The following ERC2 variants were observed in gnomAD, a reference collection of about 807,000 sequenced individuals.
The protein encoded by ERC2 is ERC protein 2.
Under a neutral mutation model 114.8 loss-of-function variants are expected in ERC2, and 42 were observed. The ratio of observed to expected loss-of-function variants is 0.37; its 90% CI spans 0.29 to 0.47. The LOEUF (loss-of-function observed/expected upper bound fraction) is 0.47, where lower values mean the gene tolerates loss of function less well. ERC2 is among the 20% of genes least tolerant of loss of function. The pLI, the probability that ERC2 is intolerant of heterozygous loss-of-function variation, is 0.99. For synonymous variants in ERC2, 454 were observed against 425.5 expected, an observed-to-expected ratio of 1.07 and a Z score of -0.82; for missense variants, 939 against 1,150.7, an observed-to-expected ratio of 0.82 and a Z score of 2.66.
chr3:56,201,310 C>T (rs541767979), intron 3 of ERC2, among the ~76,000 whole-genome samples: 73 of 152,246 alleles, frequency 4.8e-4, no homozygotes, highest in African/African-American at 1.6e-3. Flanking sequence ...GTCTCATGGA[C>T]GTTAATTACT....
intron 7 of ERC2, among the ~76,000 whole-genome samples, chr3:56,044,251 G>A (rs1371169461): frequency 7.2e-5 from 11 of 152,082 alleles, no homozygotes; most frequent in Non-Finnish European, 1.6e-4. Flanking sequence ...TTTTTTCAAG[G>A]TCATTCTAAG....
chr3:55,803,161 C>A (rs1017444488), intron 14 of ERC2, among the ~76,000 whole-genome samples: 2 of 152,180 alleles, frequency 1.3e-5, no homozygotes, highest in South Asian at 2.1e-4. Context: ...CCAGTATATT[C>A]TTCTCTCTAA....
chr3:56,130,185 C>T (rs1448621371), intron 6 of ERC2, among the ~76,000 whole-genome samples: 6 of 152,170 alleles, frequency 3.9e-5, no homozygotes, highest in Non-Finnish European at 7.3e-5. Flanking sequence ...GTGTTGTCTG[C>T]TCATATGTAT....
At chr3:56,131,003 G>C (rs1166451694) in intron 6 of ERC2, among the ~76,000 whole-genome samples, 1 of 152,086 alleles carries the variant, frequency 6.6e-6, no homozygotes, top group African/African-American at 2.4e-5. Flanking sequence ...ATTAGGGGAG[G>C]GGAAAGTGTG....
chr3:56,053,879 C>T (rs1247540780), intron 7 of ERC2, among the ~76,000 whole-genome samples: 1 of 152,068 alleles, frequency 6.6e-6, no homozygotes, highest in Non-Finnish European at 1.5e-5. Flanking sequence ...CATTTCTCCC[C>T]TCTTAATTCC....
intron 6 of ERC2, among the ~76,000 whole-genome samples, chr3:56,093,715 GA>G (rs1404816738): frequency 6.6e-6 from 1 of 151,938 alleles, no homozygotes; most frequent in African/African-American, 2.4e-5. Context: ...AGTTCTATAA[GA>G]GCTATAAACA....
intron 14 of ERC2, among the ~76,000 whole-genome samples, chr3:55,874,533 C>T (rs576259860): frequency 3.4e-4 from 51 of 152,104 alleles, no homozygotes; most frequent in African/African-American, 1.2e-3. Context: ...GAAATGTAAA[C>T]ATTTTCTAGC....
chr3:56,044,311 A>G (rs958786085), intron 7 of ERC2, among the ~76,000 whole-genome samples: 1 of 152,124 alleles, frequency 6.6e-6, no homozygotes, highest in Non-Finnish European at 1.5e-5. Flanking sequence ...ATGCCTTTTC[A>G]CAATTTTGAC....
chr3:55,963,664 A>G (rs1206000514), intron 12 of ERC2, among the ~76,000 whole-genome samples: 1 of 152,236 alleles, frequency 6.6e-6, no homozygotes, highest in Non-Finnish European at 1.5e-5. Context: ...CCACAATTCC[A>G]TGGAGTACTG....
At chr3:56,340,535 A>AATGT (rs1199330021) in intron 2 of ERC2, among the ~76,000 whole-genome samples, 22 of 106,840 alleles carry the variant, frequency 2.1e-4, no homozygotes, top group African/African-American at 7.6e-4. Context: ...AGAGAGAGAG[A>AATGT]GAGTGAATGT....
chr3:56,311,728 AAC>A (rs935801239), intron 2 of ERC2, among the ~76,000 whole-genome samples: 1 of 152,094 alleles, frequency 6.6e-6, no homozygotes, highest in African/African-American at 2.4e-5. Flanking sequence ...TCTTCTATCA[AAC>A]CATGTATTTT....
intron 12 of ERC2, among the ~76,000 whole-genome samples, chr3:55,955,769 T>C (rs2067910695): frequency 6.6e-6 from 1 of 152,248 alleles, no homozygotes; most frequent in African/African-American, 2.4e-5. Context: ...GATGCATGTT[T>C]AACTGCAAGT....
chr3:55,528,843 T>A lies in ERC2; in HGVS notation c.*40-17567A>T, dbSNP rs374926793. 2.7e-4 allele frequency among the ~76,000 whole-genome samples: 41 copies of A among 152,226 alleles called. No homozygotes were observed. In the Middle Eastern group the frequency reaches 0.01, roughly 38 times the overall value. On this transcript the variant is annotated intron_variant, in intron 17 of 17. Coordinates refer to ENST00000288221, the MANE Select transcript of ERC2 (RefSeq NM_015576.3). ...AGATGCCAGTAGTACCCTAGTTTGA[T>A]AACGAAAAATGTCTCCAGACCTTGC...
chr3:55,546,807 C>T (rs1284493219), intron 17 of ERC2, among the ~76,000 whole-genome samples: 4 of 152,210 alleles, frequency 2.6e-5, no homozygotes, highest in Non-Finnish European at 5.9e-5. Flanking sequence ...CCTCCCCACC[C>T]CTAACCCAGC....
chr3:56,175,928 T>G (rs2082953606), intron 3 of ERC2, among the ~76,000 whole-genome samples: 1 of 152,220 alleles, frequency 6.6e-6, no homozygotes, highest in African/African-American at 2.4e-5. Context: ...AATGTGATGG[T>G]TTTTTTCCAG....
chr3:55,724,859 A>T (rs865781805), intron 15 of ERC2, among the ~76,000 whole-genome samples: 1 of 152,178 alleles, frequency 6.6e-6, no homozygotes, highest in East Asian at 1.9e-4. Flanking sequence ...TCTCCTGTAC[A>T]CACTCTACTT....
chr3:55,524,500 G>GCT (rs753313422), intron 17 of ERC2, among the ~76,000 whole-genome samples: 3 of 120,852 alleles, frequency 2.5e-5, no homozygotes, highest in Non-Finnish European at 5.0e-5. Flanking sequence ...AGCTCCAGTG[G>GCT]TTTTTTTTTT....
chr3:56,231,385 C>T (rs1024213025), intron 3 of ERC2, among the ~76,000 whole-genome samples: 2 of 152,234 alleles, frequency 1.3e-5, no homozygotes, highest in Admixed American at 6.5e-5. Flanking sequence ...TGTGTACACA[C>T]TCTTCTCTCA....
chr3:55,887,923 C>A (rs192793020), intron 14 of ERC2, among the ~76,000 whole-genome samples: 1 of 152,366 alleles, frequency 6.6e-6, no homozygotes, highest in Non-Finnish European at 1.5e-5. Flanking sequence ...GAGGTGCCAA[C>A]CTTGAGACTC....
Sources: allele counts gnomAD v4.1 joint callset (sites outside exome capture counted in the v4.1 genomes callset), GRCh38; gene constraint gnomAD v4.1.1; transcripts MANE v1.5; gene names NCBI Gene and HGNC (gene_info 2026-07-23, HGNC 2026-07-21).